PPARGC1A: variants seen among roughly 807,000 people sequenced by gnomAD.
PPARGC1A encodes the protein peroxisome proliferator-activated receptor gamma coactivator 1-alpha.
A neutral mutation model predicts 88.7 loss-of-function variants in PPARGC1A; 25 were observed. The ratio of observed to expected loss-of-function variants is 0.28; its 90% CI spans 0.21 to 0.39. The LOEUF (loss-of-function observed/expected upper bound fraction) is 0.39. Among genes scored for constraint, PPARGC1A ranks in the 10% least tolerant of loss-of-function variants. The pLI is 1.00. For synonymous variants in PPARGC1A, 363 were observed against 355.6 expected (o/e 1.02, Z -0.24); for missense variants, 880 against 968.7 (o/e 0.91, Z 1.22).
rs989584425 is a variant in PPARGC1A at position 23,793,698 on chromosome 4, G to A, written c.*2124C>T. ...CTCCACACTCAGATGAAATCCTGAT[G>A]ATCAAAATGGAGGTTTTTCTGAAGT... On this transcript the variant is annotated 3_prime_UTR_variant, in exon 13 of 13. Transcript: ENST00000264867. 1 of 152,238 alleles carries A rather than the reference G, an allele frequency of 6.6e-6. No individual in the cohort carries two copies. The highest frequency in any genetic ancestry group is 2.4e-5 in the African/African-American group (1 of 41,544). 9.4% of individuals were successfully genotyped at this position (152,238 alleles called of 1,614,324 possible).
chr4:23,821,410 C>T (rs1165631244), intron 7 of PPARGC1A, among the ~76,000 whole-genome samples: 9 of 151,928 alleles, frequency 5.9e-5, no homozygotes, highest in African/African-American at 2.2e-4. Flanking sequence ...AGTGTTCTGC[C>T]TTGATTTGGT....
chr4:23,944,416 G>A, the PPARGC1A span, among the ~76,000 whole-genome samples: 1 of 152,094 alleles, frequency 6.6e-6, no homozygotes, highest in South Asian at 2.1e-4. Context: ...TCTCCCTCCA[G>A]CTTCATTAGG....
chr4:23,913,244 A>T, the PPARGC1A span, among the ~76,000 whole-genome samples: 288 of 55,996 alleles, frequency 5.1e-3, 3 homozygotes, highest in Admixed American at 0.033. Flanking sequence ...TATATATTTT[A>T]TATATATATA....
At chr4:23,910,312 A>ATTAT in the PPARGC1A span, among the ~76,000 whole-genome samples, 1 of 47,480 alleles carries the variant, frequency 2.1e-5, no homozygotes, top group African/African-American at 1.7e-4. Flanking sequence ...CCCTATATAT[A>ATTAT]ATATTATATA....
At chr4:24,065,312 C>T in the PPARGC1A span, among the ~76,000 whole-genome samples, 1 of 152,066 alleles carries the variant, frequency 6.6e-6, no homozygotes, top group East Asian at 1.9e-4. Flanking sequence ...TAGCGGGTCC[C>T]TTCCCCCACA....
At chr4:23,863,467 T>C (rs537124295) in intron 2 of PPARGC1A, among the ~76,000 whole-genome samples, 14 of 152,266 alleles carry the variant, frequency 9.2e-5, no homozygotes, top group African/African-American at 3.1e-4. Context: ...CATGTTAATT[T>C]AGTACAATTC....
upstream of PPARGC1A, among the ~76,000 whole-genome samples, chr4:23,907,889 G>C (rs1169661581): frequency 6.6e-6 from 1 of 152,082 alleles, no homozygotes; most frequent in Non-Finnish European, 1.5e-5. Flanking sequence ...AACATGTATG[G>C]GAAGCAGCGG....
chr4:23,798,601 G>T (rs1224704323), intron 12 of PPARGC1A, among the ~76,000 whole-genome samples: 2 of 152,044 alleles, frequency 1.3e-5, no homozygotes, highest in African/African-American at 4.8e-5. Flanking sequence ...TTTTTTAAAT[G>T]TTTAAGTTAT....
At chr4:24,052,527 C>A in the PPARGC1A span, among the ~76,000 whole-genome samples, 3 of 151,732 alleles carry the variant, frequency 2.0e-5, no homozygotes, top group South Asian at 6.2e-4. Flanking sequence ...ATCCCAGCTA[C>A]TTGACAGGCT....
chr4:23,920,194 T>C, the PPARGC1A span, among the ~76,000 whole-genome samples: 1 of 152,148 alleles, frequency 6.6e-6, no homozygotes, highest in Non-Finnish European at 1.5e-5. Context: ...ACATAAAATG[T>C]TCAAAGGAAC....
chr4:24,156,361 T>G, the PPARGC1A span, among the ~76,000 whole-genome samples: 5 of 151,992 alleles, frequency 3.3e-5, no homozygotes, highest in Admixed American at 6.6e-5. Flanking sequence ...CCTCCCCACT[T>G]GCTATTTTTT....
the PPARGC1A span, among the ~76,000 whole-genome samples, chr4:23,955,533 G>T: frequency 6.6e-6 from 1 of 152,124 alleles, no homozygotes. Flanking sequence ...CAGTTAGTTG[G>T]CAAGGGCAGG....
At chr4:23,935,923 T>G in the PPARGC1A span, among the ~76,000 whole-genome samples, 2 of 152,170 alleles carry the variant, frequency 1.3e-5, no homozygotes, top group African/African-American at 4.8e-5. Context: ...GTTGAGCCTA[T>G]ATATAAACAG....
At chr4:24,110,412 G>A in the PPARGC1A span, among the ~76,000 whole-genome samples, 2 of 152,144 alleles carry the variant, frequency 1.3e-5, no homozygotes, top group Non-Finnish European at 2.9e-5. Context: ...ACAAACACCT[G>A]TCTAAATCAC....
chr4:24,303,063 C>T, the PPARGC1A span, among the ~76,000 whole-genome samples: 1 of 152,188 alleles, frequency 6.6e-6, no homozygotes, highest in African/African-American at 2.4e-5. Flanking sequence ...TGTGGAACCA[C>T]GGCCACCTTC....
At chr4:23,972,158 T>C in the PPARGC1A span, among the ~76,000 whole-genome samples, 10 of 152,154 alleles carry the variant, frequency 6.6e-5, no homozygotes, top group African/African-American at 1.2e-4. Flanking sequence ...AAATTTGAAA[T>C]GTAAAACATC....
the PPARGC1A span, among the ~76,000 whole-genome samples, chr4:24,305,129 G>GTATGTATATA: frequency 1.7e-5 from 1 of 58,908 alleles, no homozygotes; most frequent in African/African-American, 1.2e-4. Flanking sequence ...ACATATATGT[G>GTATGTATATA]TATGTATATA....
At chr4:24,344,692 A>G in the PPARGC1A span, among the ~76,000 whole-genome samples, 1 of 151,350 alleles carries the variant, frequency 6.6e-6, no homozygotes, top group Non-Finnish European at 1.5e-5. Context: ...ATTTTCTCCT[A>G]CTCTGTGAGT....
the PPARGC1A span, among the ~76,000 whole-genome samples, chr4:24,001,634 A>AT: frequency 3.4e-4 from 52 of 151,766 alleles, no homozygotes; most frequent in Middle Eastern, 0.01. Flanking sequence ...CCTATCACTG[A>AT]TTTTTTTTTC....
Sources: gnomAD v4.1 joint callset for allele counts (sites outside exome capture counted in the v4.1 genomes callset) on GRCh38, gnomAD v4.1.1 for gene constraint, MANE v1.5 for transcripts, NCBI Gene and HGNC (gene_info 2026-07-23, HGNC 2026-07-21) for gene names.